TENM3: variants seen among roughly 807,000 people sequenced by gnomAD.
TENM3 encodes teneurin-3.
TENM3 carries 63 observed loss-of-function variants against 255.1 expected under a neutral mutation model. The ratio of observed to expected loss-of-function variants is 0.25; its 90% confidence interval spans 0.20 to 0.30. The LOEUF is 0.30. TENM3 is among the 10% of genes least tolerant of loss of function. The pLI is 1.00. For missense variants in TENM3, 2,929 were observed against 3,461.1 expected, an observed-to-expected ratio of 0.85 and a Z score of 3.86; for synonymous variants, 1,306 against 1,322.3, an observed-to-expected ratio of 0.99 and a Z score of 0.27.
At chr4:182,356,281 T>C (rs1440174854) in intron 3 of TENM3, among the ~76,000 whole-genome samples, 3 of 152,128 alleles carry the variant, frequency 2.0e-5, no homozygotes, top group Admixed American at 6.6e-5. Context: ...GGTGAGAGGA[T>C]GGCTTGAGCC....
chr4:182,100,814 TATATAC>T, the TENM3 span, among the ~76,000 whole-genome samples: 2,971 of 14,178 alleles, frequency 0.21, 950 homozygotes, highest in South Asian at 0.4. Flanking sequence ...TATACACATA[TATATAC>T]ACATATATAT....
the TENM3 span, among the ~76,000 whole-genome samples, chr4:181,781,220 C>T: frequency 6.6e-6 from 1 of 152,094 alleles, no homozygotes; most frequent in African/African-American, 2.4e-5. Context: ...GGCAGTATGG[C>T]CATTTTCACA....
intron 5 of TENM3, among the ~76,000 whole-genome samples, chr4:182,630,099 G>T (rs1303089271): frequency 6.6e-6 from 1 of 151,972 alleles, no homozygotes; most frequent in Non-Finnish European, 1.5e-5. Flanking sequence ...TACCTCTGAC[G>T]GCCTCTACCA....
the TENM3 span, among the ~76,000 whole-genome samples, chr4:181,823,829 A>T: frequency 2.0e-5 from 3 of 151,824 alleles, no homozygotes; most frequent in Non-Finnish European, 4.4e-5. Context: ...TCACAGCTTG[A>T]CTCGATGACA....
chr4:181,716,250 C>G, the TENM3 span, among the ~76,000 whole-genome samples: 499 of 152,040 alleles, frequency 3.3e-3, 5 homozygotes, highest in Middle Eastern at 0.014. Context: ...AAAAAGAAAC[C>G]AATTTTAATA....
the TENM3 span, among the ~76,000 whole-genome samples, chr4:182,131,954 T>C: frequency 5.3e-5 from 8 of 152,200 alleles, no homozygotes; most frequent in Non-Finnish European, 8.8e-5. Context: ...ATTGGAGCAG[T>C]TACAGCCTTC....
the TENM3 span, among the ~76,000 whole-genome samples, chr4:181,511,946 T>C: frequency 1.3e-5 from 2 of 152,076 alleles, no homozygotes; most frequent in African/African-American, 4.8e-5. Context: ...TAAGAGTCTG[T>C]GTTAGGGTGC....
At chr4:182,675,449 G>T (rs187327434) in intron 7 of TENM3, among the ~76,000 whole-genome samples, 12 of 152,020 alleles carry the variant, frequency 7.9e-5, no homozygotes, top group Admixed American at 7.9e-4. Flanking sequence ...GCTGAGGCAG[G>T]AGAATTGCTT....
the TENM3 span, among the ~76,000 whole-genome samples, chr4:181,648,273 G>T: frequency 1.3e-5 from 2 of 152,002 alleles, no homozygotes; most frequent in Non-Finnish European, 2.9e-5. Flanking sequence ...ATGGAGATAC[G>T]GCTCTAATCC....
chr4:181,995,325 A>G, the TENM3 span, among the ~76,000 whole-genome samples: 3,135 of 152,146 alleles, frequency 0.021, 107 homozygotes, highest in African/African-American at 0.071. Context: ...AAGAAACAAT[A>G]CAGTGAATTA....
At chr4:182,425,814 C>A (rs1278906033) in intron 3 of TENM3, among the ~76,000 whole-genome samples, 2 of 152,008 alleles carry the variant, frequency 1.3e-5, no homozygotes, top group Non-Finnish European at 2.9e-5. Flanking sequence ...TCAAGACCAG[C>A]CTGACCAACA....
intron 3 of TENM3, among the ~76,000 whole-genome samples, chr4:182,509,767 A>G (rs1221600859): frequency 6.6e-6 from 1 of 151,874 alleles, no homozygotes; most frequent in Non-Finnish European, 1.5e-5. Flanking sequence ...GAGAAACCCC[A>G]TCTCTACTAA....
chr4:181,853,249 C>T, the TENM3 span, among the ~76,000 whole-genome samples: 5 of 152,290 alleles, frequency 3.3e-5, no homozygotes, highest in South Asian at 4.1e-4. Flanking sequence ...TTTATCTCCA[C>T]GAACTGGATA....
the TENM3 span, among the ~76,000 whole-genome samples, chr4:181,740,667 A>G: frequency 2.0e-5 from 3 of 151,164 alleles, no homozygotes; most frequent in Non-Finnish European, 2.9e-5. Context: ...AAACCTACAC[A>G]TTCCAAAAAA....
At chr4:182,604,570 C>G (rs1358880549) in intron 4 of TENM3, among the ~76,000 whole-genome samples, 1 of 152,170 alleles carries the variant, frequency 6.6e-6, no homozygotes, top group African/African-American at 2.4e-5. Flanking sequence ...AGTACAGCAG[C>G]AGCACTTAAA....
intron 1 of TENM3, among the ~76,000 whole-genome samples, chr4:182,252,075 C>T (rs900753502): frequency 3.3e-5 from 5 of 151,570 alleles, no homozygotes; most frequent in African/African-American, 7.3e-5. Context: ...CCCAGCTACT[C>T]GGGAGGCTGA....
At chr4:182,088,897 G>A in the TENM3 span, among the ~76,000 whole-genome samples, 8 of 152,044 alleles carry the variant, frequency 5.3e-5, no homozygotes, top group Non-Finnish European at 1.0e-4. Context: ...GAATGTTTAT[G>A]TCTCTCCAAA....
At chr4:181,823,415 C>A in the TENM3 span, among the ~76,000 whole-genome samples, 1 of 152,068 alleles carries the variant, frequency 6.6e-6, no homozygotes, top group Non-Finnish European at 1.5e-5. Context: ...GTATGTGAAC[C>A]ATTCATATTG....
At chr4:182,584,991 A>C (rs1581018178) in intron 3 of TENM3, among the ~76,000 whole-genome samples, 1 of 152,068 alleles carries the variant, frequency 6.6e-6, no homozygotes, top group East Asian at 1.9e-4. Context: ...GCTTGTAAAG[A>C]CCTCCCCATA....
Sources: allele counts gnomAD v4.1 joint callset (sites outside exome capture counted in the v4.1 genomes callset), GRCh38; gene constraint gnomAD v4.1.1; transcripts MANE v1.5; gene names NCBI Gene and HGNC (gene_info 2026-07-23, HGNC 2026-07-21).